TOM1L2: variants seen among roughly 807,000 people sequenced by gnomAD.
The protein encoded by TOM1L2 is target of myb1 like 2 membrane trafficking protein, also known as TOM1-like protein 2.
In TOM1L2, 31 loss-of-function variants were observed where a neutral mutation model predicts 67.9. That is an observed-to-expected ratio of 0.46 (90% CI 0.34 to 0.62). The LOEUF (loss-of-function observed/expected upper bound fraction) is 0.62, where lower values mean the gene tolerates loss of function less well. Among genes scored for constraint, TOM1L2 ranks in the 20% least tolerant of loss-of-function variants. TOM1L2 has a pLI of 0.01. For missense variants in TOM1L2, 606 were observed against 663.5 expected (o/e 0.91, Z 0.95); for synonymous variants, 256 against 254.0 (o/e 1.01, Z -0.07).
chr17:17,965,145 ATCT>A (rs1419858738), intron 1 of TOM1L2, among the ~76,000 whole-genome samples: 7 of 151,520 alleles, frequency 4.6e-5, no homozygotes, highest in Admixed American at 3.9e-4. Flanking sequence ...AGAGAGAATG[ATCT>A]TCTGGTGACT....
chr17:17,889,932 A>T (rs1192662149), intron 4 of TOM1L2, among the ~76,000 whole-genome samples: 6 of 152,022 alleles, frequency 3.9e-5, no homozygotes, highest in African/African-American at 1.4e-4. Flanking sequence ...CTGGCACCCC[A>T]CACTTAGCTG....
Position 17,907,436 on chromosome 17 carries a change from G to A in TOM1L2, c.137+11C>T. The A allele has an allele frequency of 3.1e-6, 5 of 1,613,418 alleles. No homozygotes were observed. Among genetic ancestry groups the A allele is most frequent in the East Asian group, 2.2e-5 (1 of 44,868 alleles). On this transcript the variant is annotated intron_variant, in intron 2 of 14. Coordinates refer to ENST00000379504, the MANE Select transcript of TOM1L2 (RefSeq NM_001082968.2). Reference sequence around the variant, plus strand: ...TCAGAGAGGCTTCCCAGGAGAGGGGGGCACACGTACCCTTCCTCCGTCTCA... The same window carrying A: ...TCAGAGAGGCTTCCCAGGAGAGGGGAGCACACGTACCCTTCCTCCGTCTCA...
chr17:17,946,426 G>C (rs1007047661), intron 1 of TOM1L2, among the ~76,000 whole-genome samples: 1 of 152,120 alleles, frequency 6.6e-6, no homozygotes. Flanking sequence ...ATATAGATGT[G>C]TCTATTCTGA....
intron 7 of TOM1L2, among the ~76,000 whole-genome samples, chr17:17,871,271 T>TGGGCA (rs1286122013): frequency 6.6e-6 from 1 of 152,052 alleles, no homozygotes; most frequent in Non-Finnish European, 1.5e-5. Flanking sequence ...CTTGGGAGAC[T>TGGGCA]GAGGCAGGAG....
intron 12 of TOM1L2, chr17:17,859,137 CATG>C (rs1448513138): frequency 6.6e-6 from 1 of 152,196 alleles, no homozygotes; most frequent in East Asian, 1.9e-4. Flanking sequence ...AGTGCAATGG[CATG>C]ATGTCGGCTC....
At chr17:17,888,272 G>A (rs2038096023) in intron 4 of TOM1L2, among the ~76,000 whole-genome samples, 2 of 152,030 alleles carry the variant, frequency 1.3e-5, no homozygotes, top group Non-Finnish European at 2.9e-5. Flanking sequence ...GGTCTAATGA[G>A]GAGAAAAAAG....
intron 2 of TOM1L2, among the ~76,000 whole-genome samples, chr17:17,906,014 G>A (rs1187124760): frequency 1.3e-5 from 2 of 151,986 alleles, no homozygotes; most frequent in Admixed American, 6.6e-5. Flanking sequence ...GCTGTTCCAT[G>A]AGCCTTGACA....
chr17:17,963,015 A>G (rs755190785), intron 1 of TOM1L2, among the ~76,000 whole-genome samples: 3 of 151,336 alleles, frequency 2.0e-5, no homozygotes, highest in Non-Finnish European at 2.9e-5. Flanking sequence ...TTTTTTTTTT[A>G]AAGAATAAAT....
chr17:17,887,112 T>C (rs549420080), intron 4 of TOM1L2, among the ~76,000 whole-genome samples: 9 of 152,380 alleles, frequency 5.9e-5, no homozygotes, highest in African/African-American at 2.2e-4. Context: ...CCTGGACTTC[T>C]GGGAGACTCT....
chr17:17,933,339 A>C (rs2040405260), intron 1 of TOM1L2, among the ~76,000 whole-genome samples: 1 of 152,222 alleles, frequency 6.6e-6, no homozygotes, highest in African/African-American at 2.4e-5. Context: ...CATAGGCCAG[A>C]GCTGTGTCAT....
Position 17,847,653 on chromosome 17 carries a change from A to G in TOM1L2, c.1506T>C (p.Asp502=), listed in dbSNP as rs1405987463. The change falls in exon 15 of 15, where the codon GAT becomes GAC. Residue 502 remains aspartate, a synonymous_variant. Transcript: ENST00000379504. ...SGRKKPERSE[D]ALFAL is the part of the protein sequence containing the mutation. ...GAGCTGCTCACAGGGCGAAGAGGGCATCCTCTGACCGCTCTGGCTTCTTCC... is the reference window on the plus strand; with the variant it reads ...GAGCTGCTCACAGGGCGAAGAGGGCGTCCTCTGACCGCTCTGGCTTCTTCC... 6.2e-7 allele frequency: 1 copy of G among 1,612,962 alleles called. No homozygotes were observed. The highest frequency in any genetic ancestry group is 1.7e-5 in the Admixed American group (1 of 59,952).
At chr17:17,872,776 C>T (rs559688386) in intron 7 of TOM1L2, among the ~76,000 whole-genome samples, 8 of 152,372 alleles carry the variant, frequency 5.3e-5, no homozygotes, top group Admixed American at 1.3e-4. Flanking sequence ...GACCCACCCC[C>T]TCCAGCAAAC....
At chr17:17,855,419 T>C (rs1467069521) in intron 12 of TOM1L2, among the ~76,000 whole-genome samples, 2 of 152,136 alleles carry the variant, frequency 1.3e-5, no homozygotes, top group African/African-American at 4.8e-5. Flanking sequence ...CATGAGGATA[T>C]TTTCCTGGCT....
At chr17:17,899,819 T>G (rs2038756883) in intron 2 of TOM1L2, among the ~76,000 whole-genome samples, 1 of 152,222 alleles carries the variant, frequency 6.6e-6, no homozygotes. Flanking sequence ...CCTACAGTTT[T>G]AAAACATTTA....
intron 7 of TOM1L2, chr17:17,872,092 T>A (rs2037185304): frequency 1.0e-6 from 1 of 974,072 alleles, no homozygotes; most frequent in Non-Finnish European, 1.2e-6. Flanking sequence ...CAGGCGCCAA[T>A]GGACACTCAC....
In TOM1L2 at chr17:17,913,208, CGGGAGA is replaced by C. The variant is rs902896621; in HGVS notation, c.53-5683_53-5678del. On this transcript the variant is annotated intron_variant, in intron 1 of 14. Transcript: ENST00000379504. ...GAGGGAGAGGGAGACCGTGGGGAGA[CGGGAGA>C]GGGAGAGGGAGACCGTGGGGAGACG... is the stretch of plus-strand genomic sequence containing the variant. 2.4e-3 allele frequency among the ~76,000 whole-genome samples: 355 copies of C among 148,176 alleles called. 4 individuals are homozygous for C. Among genetic ancestry groups the C allele is most frequent in the African/African-American group, 8.6e-3 (339 of 39,632 alleles).
At chr17:17,855,619 G>C (rs995208191) in intron 12 of TOM1L2, among the ~76,000 whole-genome samples, 1 of 152,190 alleles carries the variant, frequency 6.6e-6, no homozygotes, top group Non-Finnish European at 1.5e-5. Flanking sequence ...GTTAACTTCT[G>C]TGTTGGCTAT....
At chr17:17,850,014 A>G (rs1316764544) in intron 13 of TOM1L2, among the ~76,000 whole-genome samples, 2 of 152,216 alleles carry the variant, frequency 1.3e-5, no homozygotes, top group Non-Finnish European at 2.9e-5. Flanking sequence ...GGAGGTAGCC[A>G]GGTCACCAGC....
rs978195228 is a variant in TOM1L2 at position 17,846,079 on chromosome 17, T to C, written c.*1556A>G. 1 of 152,346 alleles carries C rather than the reference T, an allele frequency of 6.6e-6. No homozygotes were observed. Among genetic ancestry groups the C allele is most frequent in the African/African-American group, 2.4e-5 (1 of 41,462 alleles). The allele number at this position is 152,346 out of a possible 1,614,324, so 9.4% of individuals were successfully genotyped here. ...GAATAGTTCCTGTTGGTGCTCAGCA[T>C]GACCCCCAGCTGAAGTCGCCATCCT... On this transcript the variant is annotated 3_prime_UTR_variant, in exon 15 of 15. Coordinates refer to ENST00000379504, the MANE Select transcript of TOM1L2 (RefSeq NM_001082968.2).
Sources: allele counts gnomAD v4.1 joint callset (sites outside exome capture counted in the v4.1 genomes callset), GRCh38; gene constraint gnomAD v4.1.1; transcripts MANE v1.5; gene names NCBI Gene and HGNC (gene_info 2026-07-23, HGNC 2026-07-21).